Variants in MNAT1 observed in about 807,000 individuals in gnomAD.
The protein encoded by MNAT1 is MNAT1 component of CDK activating kinase, also known as CDK-activating kinase assembly factor MAT1.
A neutral mutation model predicts 42.0 loss-of-function variants in MNAT1; 43 were observed. The ratio of observed to expected loss-of-function variants is 1.02; its 90% CI spans 0.80 to 1.32. MNAT1 has a LOEUF of 1.32. Ranked by LOEUF, MNAT1 falls within the 40% of genes most tolerant of loss-of-function variation. The pLI, the probability that MNAT1 is intolerant of heterozygous loss-of-function variation, is 0.00. For missense variants in MNAT1, 306 were observed against 350.4 expected, an observed-to-expected ratio of 0.87 and a Z score of 1.01; for synonymous variants, 118 against 120.0, an observed-to-expected ratio of 0.98 and a Z score of 0.11.
At chr14:60,948,240 G>C (rs560734743) in intron 7 of MNAT1, among the ~76,000 whole-genome samples, 4 of 151,950 alleles carry the variant, frequency 2.6e-5, no homozygotes, top group Non-Finnish European at 5.9e-5. Flanking sequence ...AGAACACCCC[G>C]GGCAACTAAG....
intron 7 of MNAT1, among the ~76,000 whole-genome samples, chr14:60,898,148 C>T (rs1046461348): frequency 7.5e-6 from 1 of 133,578 alleles, no homozygotes; most frequent in African/African-American, 2.7e-5. Flanking sequence ...TGTGCGCGCG[C>T]CACATTTTTT....
At chr14:60,794,217 T>A (rs1198100792) in intron 1 of MNAT1, among the ~76,000 whole-genome samples, 1 of 152,108 alleles carries the variant, frequency 6.6e-6, no homozygotes, top group African/African-American at 2.4e-5. Flanking sequence ...CTTCCATGGA[T>A]GGGTTTAATT....
At chr14:60,881,871 A>C (rs1218825884) in intron 7 of MNAT1, among the ~76,000 whole-genome samples, 2 of 152,270 alleles carry the variant, frequency 1.3e-5, no homozygotes, top group East Asian at 1.9e-4. Context: ...ATCAAATACT[A>C]GTTCTTGGCC....
intron 1 of MNAT1, among the ~76,000 whole-genome samples, chr14:60,738,274 G>C (rs1351883700): frequency 1.7e-5 from 1 of 59,280 alleles, no homozygotes; most frequent in African/African-American, 6.5e-5. Context: ...TTTTTTTTTT[G>C]AGACGAAGTT....
chr14:60,734,778 A>C lies in MNAT1; in HGVS notation c.-85A>C. ...TCTCTGCCAAGCGCCTGTTGGTAGG[A>C]ACCTGCTTGGTCGCGTCTGAGGGGG... On this transcript the variant is annotated 5_prime_UTR_variant, in exon 1 of 8. Coordinates refer to ENST00000261245, the MANE Select transcript of MNAT1 (RefSeq NM_002431.4). The surrounding 1 kb of genome is among the most constrained non-coding windows in gnomAD (Gnocchi z 4.3). The C allele has an allele frequency of 7.8e-7, 1 of 1,276,630 alleles. No individual in the cohort carries two copies. Among genetic ancestry groups the C allele is most frequent in the Admixed American group, 1.8e-5 (1 of 55,304 alleles). The allele number at this position is 1,276,630 out of a possible 1,614,324, so 79.1% of individuals were successfully genotyped here. A position where few individuals can be genotyped will look rare whatever the true frequency, so the allele number is the denominator to read the frequency against.
At chr14:60,871,069 A>G (rs2034314777) in intron 6 of MNAT1, among the ~76,000 whole-genome samples, 1 of 152,202 alleles carries the variant, frequency 6.6e-6, no homozygotes, top group Admixed American at 6.5e-5. Context: ...ATGTACCAAT[A>G]TTTCATTCAT....
chr14:60,755,539 A>G (rs1298092822), intron 1 of MNAT1, among the ~76,000 whole-genome samples: 4 of 152,174 alleles, frequency 2.6e-5, no homozygotes, highest in African/African-American at 7.2e-5. Context: ...GTCCTCCCAA[A>G]GTGTTGGGAT....
At chr14:60,939,481 C>T (rs1391573749) in intron 7 of MNAT1, among the ~76,000 whole-genome samples, 6 of 152,086 alleles carry the variant, frequency 3.9e-5, no homozygotes, top group East Asian at 1.9e-4. Flanking sequence ...GCCTTGATTT[C>T]GTTATGTACC....
chr14:60,889,278 C>A (rs1293964027), intron 7 of MNAT1, among the ~76,000 whole-genome samples: 2 of 152,074 alleles, frequency 1.3e-5, no homozygotes, highest in African/African-American at 2.4e-5. Flanking sequence ...CAGAACAGAG[C>A]CCTCAGAAAT....
intron 7 of MNAT1, among the ~76,000 whole-genome samples, chr14:60,947,873 C>A (rs1209837658): frequency 1.3e-5 from 2 of 152,084 alleles, no homozygotes; most frequent in African/African-American, 4.8e-5. Flanking sequence ...AGTGAAACTT[C>A]CTACCTCAGC....
intron 3 of MNAT1, among the ~76,000 whole-genome samples, chr14:60,805,522 A>G (rs1255446863): frequency 6.6e-6 from 1 of 152,212 alleles, no homozygotes; most frequent in Non-Finnish European, 1.5e-5. Flanking sequence ...ATACAGAGTC[A>G]TTTTAACTGT....
intron 7 of MNAT1, among the ~76,000 whole-genome samples, chr14:60,911,192 G>A (rs1382112602): frequency 6.6e-6 from 1 of 151,936 alleles, no homozygotes; most frequent in Non-Finnish European, 1.5e-5. Flanking sequence ...ATTTTTTATT[G>A]CGTCTATTTG....
chr14:60,831,154 G>C (rs1594785345), intron 6 of MNAT1, among the ~76,000 whole-genome samples: 1 of 145,616 alleles, frequency 6.9e-6, no homozygotes, highest in Non-Finnish European at 1.5e-5. Flanking sequence ...GTGGAGGTTT[G>C]TTCTTGGGAT....
intron 7 of MNAT1, among the ~76,000 whole-genome samples, chr14:60,922,720 G>A (rs1292079210): frequency 1.3e-5 from 2 of 152,108 alleles, no homozygotes; most frequent in Admixed American, 6.5e-5. Flanking sequence ...AGGAAATACA[G>A]ATTGTTAGTC....
At position 60,813,330 on chromosome 14, in the gene MNAT1, C is replaced by T. The variant is rs564937295; in HGVS notation, c.561+1203C>T. Among the ~76,000 whole-genome samples the T allele has an allele frequency of 3.7e-4, 56 of 152,296 alleles. No homozygotes were observed. In the South Asian group the frequency reaches 0.011, roughly 31 times the overall value. On this transcript the variant is annotated intron_variant, in intron 5 of 7. Coordinates refer to ENST00000261245, the MANE Select transcript of MNAT1 (RefSeq NM_002431.4). The stretch of plus-strand genomic sequence containing the variant: ...ATCTGCGCTGACTCACCCACGTGCT[C>T]CCTCCCACATAGAGTTGAGTGCAGT...
In MNAT1 at chr14:60,815,045, G is replaced by T. The variant is rs117217455; in HGVS notation, c.561+2918G>T. On this transcript the variant is annotated intron_variant, in intron 5 of 7. Transcript: ENST00000261245. ...TATCATTTTATACAAAGAGTTACAG[G>T]CTCTTTTTTGGATAATGCTTCTCTT... Among the ~76,000 whole-genome samples the T allele has an allele frequency of 1.1e-3, 168 of 151,970 alleles. No homozygotes were observed. The East Asian group carries it at 0.023, about 21-fold the overall frequency.
Position 60,871,875 on chromosome 14 carries a change from G to A in MNAT1, c.688-7839G>A, listed in dbSNP as rs1412412638. ...TGACCTCAGGTGATCCACCCGCCTCGGCCTCCCAAAGTGCTGGGATTACAG... is the reference window on the plus strand; with the variant it reads ...TGACCTCAGGTGATCCACCCGCCTCAGCCTCCCAAAGTGCTGGGATTACAG... On this transcript the variant is annotated intron_variant, in intron 6 of 7. Coordinates refer to ENST00000261245, the MANE Select transcript of MNAT1 (RefSeq NM_002431.4). 3.9e-5 allele frequency among the ~76,000 whole-genome samples: 6 copies of A among 151,998 alleles called. No individual in the cohort carries two copies. In the East Asian group the frequency reaches 5.8e-4, roughly 15 times the overall value.
chr14:60,838,987 A>G (rs1594792265), intron 6 of MNAT1, among the ~76,000 whole-genome samples: 1 of 152,066 alleles, frequency 6.6e-6, no homozygotes, highest in East Asian at 1.9e-4. Context: ...AGGGAGGCCG[A>G]TGGGTCCCTC....
intron 6 of MNAT1, among the ~76,000 whole-genome samples, chr14:60,827,373 T>G (rs1566783548): frequency 6.6e-6 from 1 of 152,164 alleles, no homozygotes; most frequent in African/African-American, 2.4e-5. Flanking sequence ...TAAATTGCCT[T>G]TTCTGAGTGC....
Sources: allele counts gnomAD v4.1 joint callset (sites outside exome capture counted in the v4.1 genomes callset), GRCh38; gene constraint gnomAD v4.1.1; non-coding constraint Gnocchi (gnomAD v3.1); transcripts MANE v1.5; gene names NCBI Gene and HGNC (gene_info 2026-07-23, HGNC 2026-07-21).